PTPRG: variants seen among roughly 807,000 people sequenced by gnomAD.
The protein encoded by PTPRG is receptor-type tyrosine-protein phosphatase gamma.
In PTPRG, 102 loss-of-function variants were observed where a neutral mutation model predicts 165.3. The observed-to-expected ratio is 0.62, with a 90% CI of 0.53 to 0.73. The LOEUF is 0.73. PTPRG is among the 30% of genes least tolerant of loss of function. The pLI, the probability that PTPRG is intolerant of heterozygous loss-of-function variation, is 0.00. For missense variants in PTPRG, 1,866 were observed against 1,861.4 expected (o/e 1.00, Z -0.05); for synonymous variants, 675 against 669.5 (o/e 1.01, Z -0.13).
At chr3:62,035,187 C>G (rs1699902108) in intron 4 of PTPRG, among the ~76,000 whole-genome samples, 1 of 152,142 alleles carries the variant, frequency 6.6e-6, no homozygotes, top group African/African-American at 2.4e-5. Context: ...AATTTGGAGA[C>G]CATTTTCTCT....
chr3:61,701,317 ACTC>A (rs962186692), intron 1 of PTPRG, among the ~76,000 whole-genome samples: 1 of 151,126 alleles, frequency 6.6e-6, no homozygotes, highest in Non-Finnish European at 1.5e-5. Flanking sequence ...GTATCTGACA[ACTC>A]CTCAATATCA....
intron 2 of PTPRG, among the ~76,000 whole-genome samples, chr3:61,914,090 G>C (rs988246816): frequency 1.3e-5 from 2 of 152,164 alleles, no homozygotes; most frequent in Non-Finnish European, 2.9e-5. Flanking sequence ...TGGAAACCTT[G>C]GTTCATGGAG....
At chr3:62,076,727 A>G (rs1217338755) in intron 4 of PTPRG, among the ~76,000 whole-genome samples, 5 of 151,756 alleles carry the variant, frequency 3.3e-5, no homozygotes, top group South Asian at 2.1e-4. Context: ...GATTGCAGGC[A>G]TGCACCACCA....
At chr3:61,963,903 T>G (rs2040212051) in intron 2 of PTPRG, among the ~76,000 whole-genome samples, 1 of 152,046 alleles carries the variant, frequency 6.6e-6, no homozygotes, top group South Asian at 2.1e-4. Context: ...AAGGCAAGGG[T>G]ATATTTAGAA....
chr3:61,819,139 G>T (rs1294997388), intron 2 of PTPRG, among the ~76,000 whole-genome samples: 1 of 152,030 alleles, frequency 6.6e-6, no homozygotes, highest in Non-Finnish European at 1.5e-5. Flanking sequence ...AAAGACAATG[G>T]AGTATCATAT....
chr3:62,179,521 A>C (rs1576101829), intron 8 of PTPRG, among the ~76,000 whole-genome samples: 1 of 152,348 alleles, frequency 6.6e-6, no homozygotes, highest in Middle Eastern at 3.4e-3. Context: ...CCAGAAGAGA[A>C]GAGCCTTCTC....
intron 2 of PTPRG, among the ~76,000 whole-genome samples, chr3:61,935,293 G>C (rs763152110): frequency 6.6e-6 from 1 of 152,144 alleles, no homozygotes; most frequent in Non-Finnish European, 1.5e-5. Flanking sequence ...TCTCAGTTTT[G>C]CAAGTAACAG....
chr3:62,154,381 C>A (rs991036511), intron 6 of PTPRG, among the ~76,000 whole-genome samples: 1 of 152,170 alleles, frequency 6.6e-6, no homozygotes, highest in Non-Finnish European at 1.5e-5. Context: ...ACGTGCTGAT[C>A]AGCAAAAACC....
intron 2 of PTPRG, among the ~76,000 whole-genome samples, chr3:61,876,096 A>G (rs910704870): frequency 6.6e-6 from 1 of 152,248 alleles, no homozygotes; most frequent in Non-Finnish European, 1.5e-5. Flanking sequence ...GTTTACAATT[A>G]AAAGTAGTAA....
At chr3:61,573,205 C>T (rs569674524) in intron 1 of PTPRG, among the ~76,000 whole-genome samples, 25 of 151,984 alleles carry the variant, frequency 1.6e-4, no homozygotes, top group Non-Finnish European at 2.4e-4. Context: ...AGAGCTGGTT[C>T]TCTTGATCAG....
intron 4 of PTPRG, among the ~76,000 whole-genome samples, chr3:62,067,045 A>G (rs996631629): frequency 1.3e-5 from 2 of 150,600 alleles, no homozygotes; most frequent in African/African-American, 4.9e-5. Context: ...ACTCAAAAAA[A>G]AAAAAAAAAA....
At chr3:61,572,397 T>C (rs1700076672) in intron 1 of PTPRG, among the ~76,000 whole-genome samples, 1 of 152,166 alleles carries the variant, frequency 6.6e-6, no homozygotes, top group African/African-American at 2.4e-5. Flanking sequence ...CAGACGTCTT[T>C]GTCTAAAATG....
rs186391114 is a variant in PTPRG, at chr3:62,282,160, G to C, written c.3912+451G>C. On this transcript the variant is annotated intron_variant, in intron 27 of 29. Transcript: ENST00000474889. ...CTTTAATTTTATAAATAAGAAAATAGAGTAGGATATAAGGTCTTTAATAAT... is the reference window on the plus strand; with the variant it reads ...CTTTAATTTTATAAATAAGAAAATACAGTAGGATATAAGGTCTTTAATAAT... 4.3e-4 allele frequency among the ~76,000 whole-genome samples: 66 copies of C among 152,130 alleles called. 1 individual carries two copies. The highest frequency in any genetic ancestry group is 7.6e-4 in the Non-Finnish European group (52 of 68,000).
intron 2 of PTPRG, among the ~76,000 whole-genome samples, chr3:61,887,170 A>ATATATATATATATTTTTTTTTTT (rs60282456): frequency 2.6e-5 from 3 of 115,534 alleles, no homozygotes; most frequent in African/African-American, 9.8e-5. Context: ...ATATATATAT[A>ATATATATATATATTTTTTTTTTT]TTTTTAATGC....
At chr3:61,792,166 A>C (rs145694335) in intron 2 of PTPRG, among the ~76,000 whole-genome samples, 1 of 151,940 alleles carries the variant, frequency 6.6e-6, no homozygotes, top group Admixed American at 6.6e-5. Context: ...TCTGGCAGGC[A>C]CATGACTTTA....
chr3:61,720,771 A>G (rs1256733770), intron 1 of PTPRG, among the ~76,000 whole-genome samples: 1 of 152,170 alleles, frequency 6.6e-6, no homozygotes, highest in African/African-American at 2.4e-5. Context: ...ATGTAGCTAG[A>G]TTTCTAAAGC....
At chr3:61,763,203 G>A (rs1288377011) in intron 2 of PTPRG, among the ~76,000 whole-genome samples, 1 of 151,962 alleles carries the variant, frequency 6.6e-6, no homozygotes, top group Non-Finnish European at 1.5e-5. Context: ...TATAGCCCGT[G>A]TGGCTGCTAC....
intron 12 of PTPRG, among the ~76,000 whole-genome samples, chr3:62,215,558 C>CA (rs57970820): frequency 1.4e-5 from 2 of 143,728 alleles, no homozygotes; most frequent in Non-Finnish European, 3.1e-5. Flanking sequence ...CCCCCCCCCC[C>CA]GCCAATTATT....
chr3:61,658,435 C>A (rs1702570218), intron 1 of PTPRG, among the ~76,000 whole-genome samples: 1 of 152,150 alleles, frequency 6.6e-6, no homozygotes, highest in Admixed American at 6.5e-5. Context: ...GTTCAGGTAC[C>A]AGCTCTGCCC....
Sources: allele counts gnomAD v4.1 joint callset (sites outside exome capture counted in the v4.1 genomes callset), GRCh38; gene constraint gnomAD v4.1.1; transcripts MANE v1.5; gene names NCBI Gene and HGNC (gene_info 2026-07-23, HGNC 2026-07-21).